Variants in EVC2 observed in about 807,000 individuals in gnomAD.
The protein encoded by EVC2 is EvC ciliary complex subunit 2, also known as limbin.
In EVC2, 148 loss-of-function variants were observed where a neutral mutation model predicts 149.3. The ratio of observed to expected loss-of-function variants is 0.99; its 90% confidence interval spans 0.87 to 1.14. The LOEUF is 1.14. Ranked by LOEUF, EVC2 falls within the 50% of genes most tolerant of loss-of-function variation. The pLI, the probability that EVC2 is intolerant of heterozygous loss-of-function variation, is 0.00. For missense variants in EVC2, 1,854 were observed against 1,627.3 expected (o/e 1.14, Z -2.40); for synonymous variants, 776 against 649.9 (o/e 1.19, Z -2.95).
chr4:5,602,701 A>G (rs1274842151), intron 16 of EVC2, among the ~76,000 whole-genome samples: 2 of 152,240 alleles, frequency 1.3e-5, no homozygotes, highest in African/African-American at 4.8e-5. Context: ...TAATCATAGA[A>G]GCCATAAATA....
chr4:5,672,680 C>T lies in EVC2; in HGVS notation c.871-7031G>A, dbSNP rs189721490. 5.9e-5 allele frequency among the ~76,000 whole-genome samples: 9 copies of T among 152,232 alleles called. 1 individual carries two copies. The highest frequency in any genetic ancestry group is 5.2e-4 in the Admixed American group (8 of 15,292). Reference sequence around the variant, plus strand: ...GCAATTTCACCCCCAAGCATATACCCCAAATAATTTAAAACAGGTATTCGA... The same window carrying T: ...GCAATTTCACCCCCAAGCATATACCTCAAATAATTTAAAACAGGTATTCGA... On this transcript the variant is annotated intron_variant, in intron 7 of 21. Transcript: ENST00000344408.
chr4:5,564,767 G>C (rs1327526476), intron 21 of EVC2, among the ~76,000 whole-genome samples: 1 of 152,160 alleles, frequency 6.6e-6, no homozygotes, highest in Non-Finnish European at 1.5e-5. Context: ...CAAGGAAAAA[G>C]GCATTGGGGT....
intron 20 of EVC2, among the ~76,000 whole-genome samples, chr4:5,566,734 G>A (rs1722313333): frequency 6.6e-6 from 1 of 151,944 alleles, no homozygotes; most frequent in Non-Finnish European, 1.5e-5. Flanking sequence ...CTCTTGCCTC[G>A]TCCCAGCTTG....
At chr4:5,569,000 G>C (rs1006862609) in intron 19 of EVC2, among the ~76,000 whole-genome samples, 12 of 152,192 alleles carry the variant, frequency 7.9e-5, no homozygotes, top group Admixed American at 6.5e-5. Flanking sequence ...AGCAGTGCAG[G>C]CTCTGGAAAC....
At chr4:5,579,599 T>C (rs545443703) in intron 17 of EVC2, among the ~76,000 whole-genome samples, 182 of 152,278 alleles carry the variant, frequency 1.2e-3, no homozygotes, top group African/African-American at 4.2e-3. Context: ...CCCAGCACTT[T>C]GGGAGGCCAA....
At chr4:5,579,529 G>C (rs1711568579) in intron 17 of EVC2, among the ~76,000 whole-genome samples, 1 of 152,184 alleles carries the variant, frequency 6.6e-6, no homozygotes, top group Non-Finnish European at 1.5e-5. Flanking sequence ...TCCATAGGGA[G>C]AAAGGCAGAG....
At chr4:5,598,205 T>C (rs976277905) in intron 16 of EVC2, among the ~76,000 whole-genome samples, 2 of 152,024 alleles carry the variant, frequency 1.3e-5, no homozygotes, top group African/African-American at 2.4e-5. Context: ...CTTCACAGAA[T>C]TGGAAAAAAC....
rs1305079955 is a variant in EVC2 at position 5,569,443 on chromosome 4, CT to C, written c.3361-804del. 2.6e-5 allele frequency among the ~76,000 whole-genome samples: 4 copies of C among 152,214 alleles called. No homozygotes were observed. The highest frequency in any genetic ancestry group is 7.2e-5 in the African/African-American group (3 of 41,458). ...CCATTGGGGAAAATTGAGTGAAACT[CT>C]CTGAAACTCTATACTAGCTTTGTAA... On this transcript the variant is annotated intron_variant, in intron 19 of 21. Transcript: ENST00000344408. The surrounding 1 kb of genome is among the most constrained non-coding windows in gnomAD (Gnocchi z 4.8).
At chr4:5,529,425 G>A in the EVC2 span, among the ~76,000 whole-genome samples, 10 of 152,186 alleles carry the variant, frequency 6.6e-5, no homozygotes, top group African/African-American at 1.9e-4. This position sits in a 1 kb window ranked among gnomAD's most constrained non-coding sequence, Gnocchi z 4.5. Context: ...TTACCTCCCC[G>A]AAGAATCCTT....
At position 5,696,379 on chromosome 4, in the gene EVC2, C is replaced by T. The variant is rs975657418; in HGVS notation, c.283+1214G>A. Among the ~76,000 whole-genome samples the T allele has an allele frequency of 2.0e-5, 3 of 152,150 alleles. No individual in the cohort carries two copies. Among genetic ancestry groups the T allele is most frequent in the Admixed American group, 1.3e-4 (2 of 15,272 alleles). The stretch of plus-strand genomic sequence containing the variant: ...CTCAGTCTACAGAGCCAAGTGGGGC[C>T]CACCCGAATCCCAGCCCATCCCATT... On this transcript the variant is annotated intron_variant, in intron 2 of 21. Coordinates refer to ENST00000344408, the MANE Select transcript of EVC2 (RefSeq NM_147127.5). This position sits in a 1 kb window ranked among gnomAD's most constrained non-coding sequence, Gnocchi z 4.1.
At chr4:5,606,089 C>T (rs180883595) in intron 16 of EVC2, among the ~76,000 whole-genome samples, 384 of 152,308 alleles carry the variant, frequency 2.5e-3, no homozygotes, top group Non-Finnish European at 4.1e-3. Flanking sequence ...CCAATAGAGA[C>T]CTCCTCACTG....
intron 9 of EVC2, among the ~76,000 whole-genome samples, chr4:5,654,905 A>T (rs1340558770): frequency 6.6e-6 from 1 of 152,194 alleles, no homozygotes; most frequent in Admixed American, 6.5e-5. Context: ...TGTACCCTGC[A>T]CCATGCTTCT....
In EVC2 at chr4:5,615,456, C is replaced by T; in HGVS notation, c.2795G>A (p.Cys932Tyr). ...KKCIEDKIHL[C>Y]EEQASEDLVE... ...CAGGTCTTCAGAGGCCTGTTCCTCA[C>T]AGAGGTGAATTTTGTCTTCGATGCA... Residue 932 changes from cysteine to tyrosine, a missense_variant, in exon 16 of 22, where the codon TGT (cysteine) becomes TAT (tyrosine). Coordinates refer to ENST00000344408, the MANE Select transcript of EVC2 (RefSeq NM_147127.5). 1 of 1,614,200 alleles carries T rather than the reference C, an allele frequency of 6.2e-7. No homozygotes were observed. Among genetic ancestry groups the T allele is most frequent in the South Asian group, 1.1e-5 (1 of 91,090 alleles).
At position 5,677,598 on chromosome 4, in the gene EVC2, A is replaced by T. The variant is rs1336481858; in HGVS notation, c.870+3662T>A. Among the ~76,000 whole-genome samples, 1 of 152,218 alleles carries T rather than the reference A, an allele frequency of 6.6e-6. No homozygotes were observed. Among genetic ancestry groups the T allele is most frequent in the Non-Finnish European group, 1.5e-5 (1 of 68,026 alleles). ...CATGGCTCAATTCCATCCATAAGTGAGCCTGCGGCATCGGGGAAGAGCTCA... is the reference window on the plus strand; with the variant it reads ...CATGGCTCAATTCCATCCATAAGTGTGCCTGCGGCATCGGGGAAGAGCTCA... On this transcript the variant is annotated intron_variant, in intron 7 of 21. Coordinates refer to ENST00000344408, the MANE Select transcript of EVC2 (RefSeq NM_147127.5). The surrounding 1 kb of genome is among the most constrained non-coding windows in gnomAD (Gnocchi z 4.3).
rs749243480 is a variant in EVC2, at chr4:5,576,264, G to A, written c.3248C>T (p.Thr1083Ile). The A allele has an allele frequency of 1.1e-5, 18 of 1,614,178 alleles. No individual in the cohort carries two copies. In the East Asian group the frequency reaches 3.8e-4, roughly 34 times the overall value. ...VLHQALSKSQ[T>I]LLEQHQQCLR... ...CCACTGCTGATGTTGCTCCAGTAATGTCTGGCTCTTGCTCAGGGCTTGGTG... is the reference window on the plus strand; with the variant it reads ...CCACTGCTGATGTTGCTCCAGTAATATCTGGCTCTTGCTCAGGGCTTGGTG... The change falls in exon 18 of 22, where the codon ACA becomes ATA. Residue 1083 changes from threonine to isoleucine, a missense_variant. Transcript: ENST00000344408. This position sits in a 1 kb window ranked among gnomAD's most constrained non-coding sequence, Gnocchi z 4.5.
At chr4:5,604,740 T>C (rs1326532266) in intron 16 of EVC2, among the ~76,000 whole-genome samples, 6 of 152,134 alleles carry the variant, frequency 3.9e-5, no homozygotes, top group South Asian at 4.1e-4. Context: ...CATGGAGTGA[T>C]AGATATCCTA....
intron 7 of EVC2, among the ~76,000 whole-genome samples, chr4:5,674,627 G>C (rs1241262642): frequency 1.3e-5 from 2 of 152,160 alleles, no homozygotes; most frequent in African/African-American, 4.8e-5. Context: ...TCCAGCAGGA[G>C]GTTTACAAGT....
intron 3 of EVC2, 107 bp from the exon 4 acceptor site, chr4:5,691,440 T>C (rs1022331691): frequency 1.2e-6 from 1 of 841,140 alleles, no homozygotes; most frequent in Non-Finnish European, 1.9e-6. Context: ...GAAAGATTAC[T>C]GCTACTAATC....
intron 14 of EVC2, among the ~76,000 whole-genome samples, chr4:5,621,060 G>A (rs73198147): frequency 0.024 from 3,590 of 152,306 alleles, 109 homozygotes; most frequent in African/African-American, 0.07. Context: ...CAGAATCACA[G>A]AAGAGAGAGA....
Sources: allele counts gnomAD v4.1 joint callset (sites outside exome capture counted in the v4.1 genomes callset), GRCh38; gene constraint gnomAD v4.1.1; non-coding constraint Gnocchi (gnomAD v3.1); transcripts MANE v1.5; gene names NCBI Gene and HGNC (gene_info 2026-07-23, HGNC 2026-07-21).